The following CYYR1 variants were observed in gnomAD, a reference collection of about 807,000 sequenced individuals.
CYYR1 encodes cysteine and tyrosine-rich protein 1.
CYYR1 carries 14 observed loss-of-function variants against 15.2 expected under a neutral mutation model. The ratio of observed to expected loss-of-function variants is 0.92; its 90% CI spans 0.61 to 1.44. The LOEUF (loss-of-function observed/expected upper bound fraction) is 1.44. Ranked by LOEUF, CYYR1 falls within the 40% of genes most tolerant of loss-of-function variation. The pLI is 0.00. For missense variants in CYYR1, 228 were observed against 209.5 expected (o/e 1.09, Z -0.54); for synonymous variants, 80 against 77.4 (o/e 1.03, Z -0.18).
intron 2 of CYYR1, among the ~76,000 whole-genome samples, chr21:26,544,671 A>G (rs1978824465): frequency 1.3e-5 from 2 of 152,264 alleles, no homozygotes; most frequent in Admixed American, 1.3e-4. Context: ...TGTCAGAGGA[A>G]AGAGAATTGT....
chr21:26,472,866 T>C (rs1052314508), intron 3 of CYYR1, among the ~76,000 whole-genome samples: 3 of 152,310 alleles, frequency 2.0e-5, no homozygotes, highest in East Asian at 1.9e-4. Context: ...AGTTGATACA[T>C]AACTATCCTG....
intron 2 of CYYR1, among the ~76,000 whole-genome samples, chr21:26,508,664 C>A (rs545129690): frequency 6.6e-6 from 1 of 152,228 alleles, no homozygotes; most frequent in South Asian, 2.1e-4. Flanking sequence ...AAGATCAATG[C>A]ATTCATTCTA....
At chr21:26,571,200 T>G (rs754791071) in intron 1 of CYYR1, among the ~76,000 whole-genome samples, 2 of 152,202 alleles carry the variant, frequency 1.3e-5, no homozygotes, top group Non-Finnish European at 2.9e-5. Context: ...AATAGTTGAA[T>G]GAATATGAAA....
intron 2 of CYYR1, among the ~76,000 whole-genome samples, chr21:26,514,341 G>A (rs1433725238): frequency 1.3e-5 from 2 of 152,102 alleles, no homozygotes; most frequent in Admixed American, 6.5e-5. Flanking sequence ...CTTGGTACTC[G>A]TGGTAATGAG....
At chr21:26,491,574 C>T (rs920450485) in intron 2 of CYYR1, among the ~76,000 whole-genome samples, 1 of 152,156 alleles carries the variant, frequency 6.6e-6, no homozygotes, top group Non-Finnish European at 1.5e-5. Flanking sequence ...AGAACAGCAT[C>T]TGCTTTTTGG....
At position 26,466,701 on chromosome 21, in the gene CYYR1, A is replaced by G. The variant is rs1880594614; in HGVS notation, c.*1800T>C. 1 of 152,198 alleles carries G rather than the reference A, an allele frequency of 6.6e-6. No individual in the cohort carries two copies. The highest frequency in any genetic ancestry group is 2.4e-5 in the African/African-American group (1 of 41,466). The allele number at this position is 152,198 out of a possible 1,614,324, so 9.4% of individuals were successfully genotyped here. ...GAAACCCTGGCACTTTGAGAGTCTT[A>G]GCCACAGTGTAATTGGGTCTGACCA... On this transcript the variant is annotated 3_prime_UTR_variant, in exon 4 of 4. Transcript: ENST00000652641.
intron 2 of CYYR1, chr21:26,482,506 C>G (rs2065195241): frequency 1.0e-6 from 1 of 985,186 alleles, no homozygotes; most frequent in Non-Finnish European, 1.2e-6. Context: ...TGCTGGTCCT[C>G]ACATTTAGTT....
chr21:26,549,167 C>T (rs1463281320), intron 2 of CYYR1, among the ~76,000 whole-genome samples: 2 of 152,124 alleles, frequency 1.3e-5, no homozygotes, highest in Non-Finnish European at 2.9e-5. Context: ...GTTTTACTGG[C>T]TTAGGATACA....
intron 2 of CYYR1, among the ~76,000 whole-genome samples, chr21:26,558,677 G>A (rs890953370): frequency 6.6e-6 from 1 of 152,124 alleles, no homozygotes; most frequent in African/African-American, 2.4e-5. Flanking sequence ...CATGACATGT[G>A]TTTGTTTTCA....
chr21:26,474,016 G>A (rs902659902), intron 3 of CYYR1, among the ~76,000 whole-genome samples: 11 of 147,876 alleles, frequency 7.4e-5, no homozygotes, highest in African/African-American at 2.7e-4. Flanking sequence ...TGCCATGTTG[G>A]TTTTTTTTGT....
At chr21:26,481,756 A>C (rs1480399464) in intron 2 of CYYR1, among the ~76,000 whole-genome samples, 3 of 151,916 alleles carry the variant, frequency 2.0e-5, no homozygotes, top group African/African-American at 7.3e-5. Flanking sequence ...TATTAATTGA[A>C]TACTAATTCA....
At chr21:26,532,463 C>G (rs2065944276) in intron 2 of CYYR1, among the ~76,000 whole-genome samples, 1 of 152,142 alleles carries the variant, frequency 6.6e-6, no homozygotes, top group Non-Finnish European at 1.5e-5. Context: ...GCAGAATGCT[C>G]TTATCCCTAG....
At chr21:26,517,112 C>A in intron 2 of CYYR1, among the ~76,000 whole-genome samples, 1 of 39,610 alleles carries the variant, frequency 2.5e-5, no homozygotes. Context: ...GAGACTCCGT[C>A]TCAAAAAAAA....
chr21:26,494,325 A>G (rs1193660112), intron 2 of CYYR1, among the ~76,000 whole-genome samples: 1 of 152,188 alleles, frequency 6.6e-6, no homozygotes, highest in Non-Finnish European at 1.5e-5. Flanking sequence ...TAATTAACCT[A>G]TATTTATTCA....
chr21:26,489,758 A>T (rs2123437486), intron 2 of CYYR1, among the ~76,000 whole-genome samples: 1 of 152,232 alleles, frequency 6.6e-6, no homozygotes, highest in East Asian at 1.9e-4. Context: ...CATGAAAGTG[A>T]TTCATTTAAC....
intron 2 of CYYR1, among the ~76,000 whole-genome samples, chr21:26,505,518 G>C (rs1248849174): frequency 6.6e-6 from 1 of 152,212 alleles, no homozygotes; most frequent in African/African-American, 2.4e-5. Context: ...AAAAATATAT[G>C]TATTTATTGT....
intron 2 of CYYR1, among the ~76,000 whole-genome samples, chr21:26,545,072 A>G (rs936337567): frequency 2.0e-5 from 3 of 152,240 alleles, no homozygotes; most frequent in African/African-American, 7.2e-5. Context: ...AACACATTAA[A>G]TGACAACATT....
At chr21:26,565,705 GTTGT>G (rs1413144188) in intron 2 of CYYR1, among the ~76,000 whole-genome samples, 1 of 152,144 alleles carries the variant, frequency 6.6e-6, no homozygotes, top group African/African-American at 2.4e-5. Flanking sequence ...TTTGTGCCTT[GTTGT>G]TTATCACTTT....
intron 3 of CYYR1, chr21:26,478,035 A>T: frequency 6.5e-7 from 1 of 1,546,336 alleles, no homozygotes. Context: ...TTCATCATTC[A>T]TTCAGCTGAG....
Sources: allele counts gnomAD v4.1 joint callset (sites outside exome capture counted in the v4.1 genomes callset), GRCh38; gene constraint gnomAD v4.1.1; transcripts MANE v1.5; gene names NCBI Gene and HGNC (gene_info 2026-07-23, HGNC 2026-07-21).